The following WASHC4 variants were observed in gnomAD, a reference collection of about 807,000 sequenced individuals.
WASHC4 encodes WASH complex subunit 7.
In WASHC4, 86 loss-of-function variants were observed where a neutral mutation model predicts 166.6. The ratio of observed to expected loss-of-function variants is 0.52; its 90% confidence interval spans 0.43 to 0.62. The LOEUF (loss-of-function observed/expected upper bound fraction) is 0.62, where lower values mean the gene tolerates loss of function less well. WASHC4 is among the 20% of genes least tolerant of loss of function. WASHC4 has a pLI of 0.00. For missense variants in WASHC4, 1,262 were observed against 1,382.4 expected (o/e 0.91, Z 1.38); for synonymous variants, 446 against 451.6 (o/e 0.99, Z 0.16).
chr12:105,164,314 A>G lies in WASHC4; in HGVS notation c.3354+7A>G. The G allele has an allele frequency of 1.2e-6, 2 of 1,611,482 alleles. No homozygotes were observed. Among genetic ancestry groups the G allele is most frequent in the Non-Finnish European group, 1.7e-6 (2 of 1,177,846 alleles). On this transcript the variant is annotated splice_region_variant and intron_variant, in intron 31 of 32. Transcript: ENST00000332180. ...ACTGGATGTCTATCTACAGGTAGAGAGGAGCCTAAGAGTCACATCTGCTTT... is the reference window on the plus strand; with the variant it reads ...ACTGGATGTCTATCTACAGGTAGAGGGGAGCCTAAGAGTCACATCTGCTTT...
At chr12:105,138,717 G>A (rs917539578) in intron 15 of WASHC4, among the ~76,000 whole-genome samples, 1 of 151,976 alleles carries the variant, frequency 6.6e-6, no homozygotes, top group Non-Finnish European at 1.5e-5. Context: ...TCTGCCTTTG[G>A]ATTTTCAGCC....
chr12:105,120,907 A>G (rs891650222), intron 8 of WASHC4, among the ~76,000 whole-genome samples, 194 bp from the exon 9 acceptor site: 6 of 152,254 alleles, frequency 3.9e-5, no homozygotes, highest in Non-Finnish European at 7.3e-5. Flanking sequence ...TCTTAAAAAG[A>G]GAAAAGTATT....
In WASHC4 at chr12:105,140,348, C is replaced by T. The variant is rs1382087183; in HGVS notation, c.1507C>T (p.His503Tyr). ...CATGGTTGTGGCTGATTCAGTTTCA[C>T]ATATAACACAGCACCTTCAACATCA... is the stretch of plus-strand genomic sequence containing the variant. ...RSMVVADSVS[H>Y]ITQHLQHQAL... Residue 503 changes from histidine to tyrosine, a missense_variant, in exon 16 of 33, where the codon CAT (histidine) becomes TAT (tyrosine). Transcript: ENST00000332180. 5.6e-6 allele frequency: 9 copies of T among 1,613,914 alleles called. No individual in the cohort carries two copies. The highest frequency in any genetic ancestry group is 7.6e-6 in the Non-Finnish European group (9 of 1,179,806).
intron 9 of WASHC4, among the ~76,000 whole-genome samples, chr12:105,121,551 A>G (rs958074558): frequency 5.3e-5 from 8 of 152,314 alleles, no homozygotes; most frequent in Admixed American, 3.9e-4. Flanking sequence ...CTGTGTTGCC[A>G]GGCTGGAGTG....
intron 30 of WASHC4, 24 bp downstream of exon 30, chr12:105,162,869 C>A: frequency 7.8e-7 from 1 of 1,275,790 alleles, no homozygotes; most frequent in South Asian, 1.2e-5. Flanking sequence ...AATTGTTTTT[C>A]CATTAATTTT....
In WASHC4 at chr12:105,164,291, TGG is replaced by T; in HGVS notation, c.3339_3340del (p.Asp1114CysfsTer7). 6.2e-7 allele frequency: 1 copy of T among 1,613,796 alleles called. No homozygotes were observed. Among genetic ancestry groups the T allele is most frequent in the Non-Finnish European group, 8.5e-7 (1 of 1,179,762 alleles). ...ACCATGAATCTCACTCAGAAGCGAC[TGG>T]ATGTCTATCTACAGGTAGAGAGGAG... is the stretch of plus-strand genomic sequence containing the variant. On this transcript the variant is annotated frameshift_variant, in exon 31 of 33. Transcript: ENST00000332180. LOFTEE classifies it high-confidence loss of function.
intron 10 of WASHC4, among the ~76,000 whole-genome samples, chr12:105,125,008 A>G (rs953343218): frequency 3.9e-5 from 6 of 152,256 alleles, no homozygotes; most frequent in Admixed American, 3.3e-4. Context: ...CAGACAGCAC[A>G]GATACAGAAT....
intron 26 of WASHC4, among the ~76,000 whole-genome samples, chr12:105,154,056 A>T (rs1351032653): frequency 6.8e-6 from 1 of 147,400 alleles, no homozygotes; most frequent in Non-Finnish European, 1.5e-5. Context: ...TTTGAGACAG[A>T]GTCTTGCTCT....
intron 32 of WASHC4, among the ~76,000 whole-genome samples, chr12:105,166,646 A>T (rs57393988): frequency 6.6e-6 from 1 of 152,138 alleles, no homozygotes; most frequent in Admixed American, 6.6e-5. Context: ...CTCCACCTTC[A>T]TTAAAAACCA....
intron 18 of WASHC4, among the ~76,000 whole-genome samples, chr12:105,141,455 A>C (rs765281466): frequency 1.3e-4 from 20 of 152,236 alleles, no homozygotes; most frequent in Non-Finnish European, 2.9e-4. Context: ...GCCCCTAGAA[A>C]AACTCACATG....
chr12:105,162,847 T>C lies in WASHC4; in HGVS notation c.3157+2T>C. 1 of 1,516,770 alleles carries C rather than the reference T, an allele frequency of 6.6e-7. No homozygotes were observed. The highest frequency in any genetic ancestry group is 9.1e-7 in the Non-Finnish European group (1 of 1,096,996). The allele number at this position is 1,516,770 out of a possible 1,614,324, so 94.0% of individuals were successfully genotyped here. A position where few individuals can be genotyped will look rare whatever the true frequency, so the allele number is the denominator to read the frequency against. On this transcript the variant is annotated splice_donor_variant, in intron 30 of 32. Transcript: ENST00000332180. LOFTEE classifies it high-confidence loss of function. ...TTACTGATGATGGCTTTGCCATGGG[T>C]AAGCTTAATGGAATTGTTTTTCCAT...
At chr12:105,127,780 A>G (rs1022443794) in intron 13 of WASHC4, among the ~76,000 whole-genome samples, 3 of 152,078 alleles carry the variant, frequency 2.0e-5, no homozygotes, top group African/African-American at 7.2e-5. Context: ...TCCTTCCTGT[A>G]TTTCAGTCTT....
At chr12:105,124,599 G>T (rs1192080649) in intron 10 of WASHC4, among the ~76,000 whole-genome samples, 1 of 152,028 alleles carries the variant, frequency 6.6e-6, no homozygotes, top group Non-Finnish European at 1.5e-5. Flanking sequence ...TCCTGCCTCA[G>T]CCTCCCGAGT....
At chr12:105,152,564 A>T (rs1039653734) in intron 26 of WASHC4, 113 bp downstream of exon 26, 20 of 718,160 alleles carry the variant, frequency 2.8e-5, no homozygotes, top group Non-Finnish European at 5.0e-5. Context: ...GCTCAGCTTT[A>T]CTCCACTCAT....
At chr12:105,111,302 TCTGGACA>T in intron 2 of WASHC4, 38 bp downstream of exon 2, 5 of 1,351,844 alleles carry the variant, frequency 3.7e-6, no homozygotes, top group Non-Finnish European at 5.2e-6. Flanking sequence ...GTATATATTT[TCTGGACA>T]TACTATATCC....
intron 12 of WASHC4, 86 bp from the exon 13 acceptor site, chr12:105,127,043 C>T: frequency 9.1e-7 from 1 of 1,102,274 alleles, no homozygotes; most frequent in Non-Finnish European, 1.4e-6. Context: ...AATCAGTTGT[C>T]TTCCATGTGT....
rs1210438128 is a variant in WASHC4, at chr12:105,166,905, G to T, written c.3496G>T (p.Val1166Leu). 1 of 1,606,810 alleles carries T rather than the reference G, an allele frequency of 6.2e-7. No individual in the cohort carries two copies. The highest frequency in any genetic ancestry group is 1.1e-5 in the South Asian group (1 of 91,016). ...CAATGGAGACCTGTCTGACAGCACTGTGTCTGCTGATCCTGTTGTGAAATG... is the reference window on the plus strand; with the variant it reads ...CAATGGAGACCTGTCTGACAGCACTTTGTCTGCTGATCCTGTTGTGAAATG... Reference protein sequence around the residue: ...TSNGDLSDSTVSADPVVK With the variant: ...TSNGDLSDSTLSADPVVK The change falls in exon 33 of 33, where the codon GTG becomes TTG. Residue 1166 changes from valine to leucine, a missense_variant. Coordinates refer to ENST00000332180, the MANE Select transcript of WASHC4 (RefSeq NM_015275.3).
At chr12:105,127,917 G>A (rs1238433167) in intron 13 of WASHC4, among the ~76,000 whole-genome samples, 3 of 151,982 alleles carry the variant, frequency 2.0e-5, no homozygotes, top group Non-Finnish European at 4.4e-5. Context: ...AGAGAAAATA[G>A]TATAAAGAGC....
Position 105,141,165 on chromosome 12 carries a change from A to C in WASHC4, c.1708-2A>C. The C allele has an allele frequency of 6.2e-7, 1 of 1,612,878 alleles. No individual in the cohort carries two copies. The highest frequency in any genetic ancestry group is 8.5e-7 in the Non-Finnish European group (1 of 1,178,872). Reference sequence around the variant, plus strand: ...TCTGCCTTTTTTTCCTGTCCCTGATAGAAAACATTTAAAGATGAAGAACTC... The same window carrying C: ...TCTGCCTTTTTTTCCTGTCCCTGATCGAAAACATTTAAAGATGAAGAACTC... On this transcript the variant is annotated splice_acceptor_variant, in intron 17 of 32. Transcript: ENST00000332180. LOFTEE classifies it high-confidence loss of function.
Sources: allele counts gnomAD v4.1 joint callset (sites outside exome capture counted in the v4.1 genomes callset), GRCh38; gene constraint gnomAD v4.1.1; transcripts MANE v1.5; gene names NCBI Gene and HGNC (gene_info 2026-07-23, HGNC 2026-07-21).